The following PEBP4 variants were observed in gnomAD, a reference collection of about 807,000 sequenced individuals.
PEBP4 encodes phosphatidylethanolamine-binding protein 4.
Under a neutral mutation model 23.9 loss-of-function variants are expected in PEBP4, and 22 were observed. That is an observed-to-expected ratio of 0.92 (90% confidence interval 0.66 to 1.31). The LOEUF (loss-of-function observed/expected upper bound fraction) is 1.31. Ranked by LOEUF, PEBP4 falls within the 40% of genes most tolerant of loss-of-function variation. The probability of loss-of-function intolerance (pLI) is 0.00; values close to 1 mark genes in which losing one functional copy is unlikely to be tolerated. For missense variants in PEBP4, 324 were observed against 281.7 expected (o/e 1.15, Z -1.07); for synonymous variants, 112 against 99.3 (o/e 1.13, Z -0.76).
chr8:22,887,079 G>C (rs1247432844), intron 3 of PEBP4: 1 of 150,194 alleles, frequency 6.7e-6, no homozygotes, highest in African/African-American at 2.5e-5. Context: ...TGGGCCTTGA[G>C]GACACTCCTA....
intron 6 of PEBP4, among the ~76,000 whole-genome samples, chr8:22,714,177 G>A (rs905067028): frequency 2.0e-5 from 3 of 152,344 alleles, no homozygotes; most frequent in Non-Finnish European, 4.4e-5. Flanking sequence ...TGCCCAGGTC[G>A]GAGGGGTTCC....
In PEBP4 at chr8:22,862,889, C is replaced by T. The variant is rs563646361; in HGVS notation, c.259-45154G>A. On this transcript the variant is annotated intron_variant, in intron 3 of 6. Transcript: ENST00000256404. Reference sequence around the variant, plus strand: ...GATCTTGGCTCACTGCAAGCTCCGCCTCCCAGGTTCACGTCATTCTCCTGC... The same window carrying T: ...GATCTTGGCTCACTGCAAGCTCCGCTTCCCAGGTTCACGTCATTCTCCTGC... 3.3e-5 allele frequency among the ~76,000 whole-genome samples: 5 copies of T among 151,232 alleles called. No individual in the cohort carries two copies. The East Asian group carries it at 9.8e-4, about 30-fold the overall frequency.
chr8:22,875,716 C>T (rs1808105567), intron 3 of PEBP4, among the ~76,000 whole-genome samples: 2 of 151,958 alleles, frequency 1.3e-5, no homozygotes, highest in Non-Finnish European at 2.9e-5. Context: ...ACAAACTGGC[C>T]CCAGCCTACC....
intron 6 of PEBP4, among the ~76,000 whole-genome samples, chr8:22,718,337 G>A (rs1174975850): frequency 6.6e-6 from 1 of 152,248 alleles, no homozygotes; most frequent in Non-Finnish European, 1.5e-5. Context: ...ACTTCAAGCT[G>A]CCAGTTTAGC....
At chr8:22,728,543 C>T (rs1012714595) in intron 4 of PEBP4, among the ~76,000 whole-genome samples, 80 of 115,426 alleles carry the variant, frequency 6.9e-4, no homozygotes, top group East Asian at 1.8e-3. Flanking sequence ...TTTCTTCCTT[C>T]CTTTCTTTCT....
At chr8:22,871,942 C>T (rs529862065) in intron 3 of PEBP4, among the ~76,000 whole-genome samples, 5 of 152,146 alleles carry the variant, frequency 3.3e-5, no homozygotes, top group Admixed American at 6.5e-5. Context: ...AACCTCCCCC[C>T]GCAAGTCCCC....
intron 3 of PEBP4, among the ~76,000 whole-genome samples, chr8:22,894,277 T>G (rs1808551846): frequency 6.6e-6 from 1 of 152,130 alleles, no homozygotes; most frequent in African/African-American, 2.4e-5. Context: ...GCTTGAGGTT[T>G]AAATTCTTGG....
intron 4 of PEBP4, among the ~76,000 whole-genome samples, chr8:22,734,859 A>G (rs1352196014): frequency 6.6e-6 from 1 of 152,192 alleles, no homozygotes. Context: ...TCTAGGAGTA[A>G]GGAGTTTACC....
At chr8:22,919,841 C>G (rs1167093241) in intron 3 of PEBP4, among the ~76,000 whole-genome samples, 1 of 152,218 alleles carries the variant, frequency 6.6e-6, no homozygotes, top group African/African-American at 2.4e-5. Context: ...TTCCACTTAT[C>G]TGCCAACTCC....
intron 3 of PEBP4, among the ~76,000 whole-genome samples, chr8:22,863,409 G>T (rs1022149585): frequency 6.6e-6 from 1 of 152,202 alleles, no homozygotes; most frequent in Non-Finnish European, 1.5e-5. Flanking sequence ...GCTGAAACTG[G>T]TAAGGAGGCT....
intron 5 of PEBP4, 97 bp downstream of exon 5, chr8:22,727,078 G>C: frequency 7.3e-7 from 1 of 1,365,148 alleles, no homozygotes; most frequent in Non-Finnish European, 1.0e-6. Flanking sequence ...TCTCAGGCTG[G>C]TGCTAGCACA....
intron 3 of PEBP4, among the ~76,000 whole-genome samples, chr8:22,825,782 C>G (rs961432534): frequency 6.6e-6 from 1 of 152,150 alleles, no homozygotes; most frequent in African/African-American, 2.4e-5. Context: ...GATGAGGAAA[C>G]AGTAGGATGT....
chr8:22,806,638 T>C (rs1264325074), intron 4 of PEBP4, among the ~76,000 whole-genome samples: 3 of 142,624 alleles, frequency 2.1e-5, no homozygotes, highest in Admixed American at 7.0e-5. Flanking sequence ...AAAAAAGATA[T>C]AAACAAGGTG....
At chr8:22,777,315 C>A (rs1172319704) in intron 4 of PEBP4, among the ~76,000 whole-genome samples, 1 of 152,122 alleles carries the variant, frequency 6.6e-6, no homozygotes, top group Non-Finnish European at 1.5e-5. Context: ...GGTGTGGCTA[C>A]CCCAGGAGAA....
chr8:22,816,917 T>G (rs1459492179), intron 4 of PEBP4, among the ~76,000 whole-genome samples: 1 of 152,168 alleles, frequency 6.6e-6, no homozygotes, highest in African/African-American at 2.4e-5. Flanking sequence ...CATACTAGAC[T>G]AGTAAAAGCT....
At chr8:22,821,767 T>C (rs1168537665) in intron 3 of PEBP4, among the ~76,000 whole-genome samples, 1 of 151,772 alleles carries the variant, frequency 6.6e-6, no homozygotes, top group African/African-American at 2.4e-5. Flanking sequence ...GGACGGATCA[T>C]GAGGTCAAGA....
intron 4 of PEBP4, among the ~76,000 whole-genome samples, chr8:22,802,289 A>G (rs1478699697): frequency 1.3e-5 from 2 of 152,178 alleles, no homozygotes; most frequent in Admixed American, 6.5e-5. Flanking sequence ...GGGAGCCCCA[A>G]GAAGCCCCTG....
chr8:22,759,819 A>G (rs577894198), intron 4 of PEBP4, among the ~76,000 whole-genome samples: 66 of 152,272 alleles, frequency 4.3e-4, no homozygotes, highest in African/African-American at 1.5e-3. Context: ...AACTGGGAAC[A>G]GCCTCCCAGG....
chr8:22,755,439 G>A (rs183896457), intron 4 of PEBP4, among the ~76,000 whole-genome samples: 1,061 of 147,058 alleles, frequency 7.2e-3, no homozygotes, highest in Non-Finnish European at 9.8e-3. Flanking sequence ...GGGTTCAAGC[G>A]TTTCTCCTGC....
Sources: gnomAD v4.1 joint callset for allele counts (sites outside exome capture counted in the v4.1 genomes callset) on GRCh38, gnomAD v4.1.1 for gene constraint, MANE v1.5 for transcripts, NCBI Gene and HGNC (gene_info 2026-07-23, HGNC 2026-07-21) for gene names.